Variants in EIF4G2 observed in about 807,000 individuals in gnomAD.
EIF4G2 encodes the protein eukaryotic translation initiation factor 4 gamma 2.
In EIF4G2, 8 loss-of-function variants were observed where a neutral mutation model predicts 117.7. The ratio of observed to expected loss-of-function variants is 0.07; its 90% CI spans 0.04 to 0.12. The LOEUF is 0.12. Among genes scored for constraint, EIF4G2 ranks in the 10% least tolerant of loss-of-function variants. The pLI is 1.00. For missense variants in EIF4G2, 812 were observed against 1,086.2 expected, an observed-to-expected ratio of 0.75 and a Z score of 3.55; for synonymous variants, 413 against 367.8, an observed-to-expected ratio of 1.12 and a Z score of -1.41.
intron 4 of EIF4G2, 132 bp downstream of exon 4, chr11:10,805,775 T>A: frequency 7.4e-7 from 1 of 1,352,578 alleles, no homozygotes; most frequent in African/African-American, 1.4e-5. Flanking sequence ...TTTTAAAAAT[T>A]GCTACCATGA....
Position 10,808,532 on chromosome 11 carries a change from G to C in EIF4G2, c.-87+173C>G, listed in dbSNP as rs546096858. 1.9e-3 allele frequency: 2,267 copies of C among 1,184,054 alleles called. 2 individuals are homozygous for C. Among genetic ancestry groups the C allele is most frequent in the Non-Finnish European group, 2.3e-3 (2,134 of 934,668 alleles). The allele number at this position is 1,184,054 out of a possible 1,614,324, so 73.3% of individuals were successfully genotyped here. On this transcript the variant is annotated intron_variant, in intron 1 of 21. Coordinates refer to ENST00000339995, the MANE Select transcript of EIF4G2 (RefSeq NM_001418.4). The stretch of plus-strand genomic sequence containing the variant: ...TTCTACTCCGTCAGCAACAGGAAGA[G>C]AGAACAAAAGCCAAGACTTTCCAGG...
intron 17 of EIF4G2, 28 bp downstream of exon 17, chr11:10,800,404 T>G: frequency 1.2e-6 from 2 of 1,613,600 alleles, no homozygotes; most frequent in Non-Finnish European, 8.5e-7. Flanking sequence ...GTAAGAGTTC[T>G]TACCACACAA....
rs1847353240 is a variant in EIF4G2, at chr11:10,799,331, T to C, written c.2418A>G (p.Lys806=). 6.2e-7 allele frequency: 1 copy of C among 1,613,784 alleles called. No individual in the cohort carries two copies. Among genetic ancestry groups the C allele is most frequent in the Non-Finnish European group, 8.5e-7 (1 of 1,180,010 alleles). Residue 806 remains lysine (K), a synonymous_variant, in exon 20 of 22, where the codon AAA becomes AAG. Transcript: ENST00000339995. Reference sequence around the variant, plus strand: ...CTGGCTTGAAAGATAGTAGTAGTTGTTTTTCCTGCTCTAACTGTTCTTTGG... The same window carrying C: ...CTGGCTTGAAAGATAGTAGTAGTTGCTTTTCCTGCTCTAACTGTTCTTTGG...
In EIF4G2 at chr11:10,797,860, A is replaced by G. The variant is rs1847301520; in HGVS notation, c.2680T>C (p.Leu894=). The G allele has an allele frequency of 6.2e-7, 1 of 1,613,976 alleles. No homozygotes were observed. Among genetic ancestry groups the G allele is most frequent in the Non-Finnish European group, 8.5e-7 (1 of 1,179,970 alleles). The change falls in exon 22 of 22, where the codon TTA becomes CTA. Residue 894 remains leucine (L), a synonymous_variant. Transcript: ENST00000339995. This position sits in a 1 kb window ranked among gnomAD's most constrained non-coding sequence, Gnocchi z 4.5. The stretch of plus-strand genomic sequence containing the variant: ...GATTCTTCTTCTTCAGCAGTTTCTA[A>G]CCAGGTTAGCCACTGATTCACCTAT...
chr11:10,804,114 T>C, intron 7 of EIF4G2, 23 bp downstream of exon 7: 1 of 1,613,964 alleles, frequency 6.2e-7, no homozygotes, highest in East Asian at 2.2e-5. Flanking sequence ...ACAGTAGTAC[T>C]TATTATCAGC....
Position 10,800,984 on chromosome 11 carries a change from G to A in EIF4G2, c.1517C>T (p.Thr506Ile), listed in dbSNP as rs1050514944. The A allele has an allele frequency of 3.7e-6, 6 of 1,614,186 alleles. No individual in the cohort carries two copies. The highest frequency in any genetic ancestry group is 2.2e-5 in the South Asian group (2 of 91,084). ...TACCTGTCCCAGAGGTGGTGTTTGA[G>A]TGCGTGGTGGTTGTGCACTAGGAGG... Residue 506 changes from threonine to isoleucine, a missense_variant, in exon 15 of 22, where the codon ACT (threonine) becomes ATT (isoleucine). Transcript: ENST00000339995.
chr11:10,801,821 A>G (rs766532000), intron 13 of EIF4G2, 47 bp from the exon 14 acceptor site: 2 of 1,553,618 alleles, frequency 1.3e-6, no homozygotes, highest in Non-Finnish European at 1.8e-6. Flanking sequence ...AGGGGTCCAC[A>G]AATTATGGTA....
Position 10,803,796 on chromosome 11 carries a change from T to C in EIF4G2, c.702+103A>G. 1 of 1,404,108 alleles carries C rather than the reference T, an allele frequency of 7.1e-7. No homozygotes were observed. Among genetic ancestry groups the C allele is most frequent in the Non-Finnish European group, 9.7e-7 (1 of 1,030,430 alleles). The allele number at this position is 1,404,108 out of a possible 1,614,324, so 87.0% of individuals were successfully genotyped here. On this transcript the variant is annotated intron_variant, in intron 8 of 21. Transcript: ENST00000339995. This position sits in a 1 kb window ranked among gnomAD's most constrained non-coding sequence, Gnocchi z 4.0. The stretch of plus-strand genomic sequence containing the variant: ...AATTATTCTGTTTAGTAAATTTTGT[T>C]GCACATCTGTATTTAACTAGTCAAC...
chr11:10,807,141 TAAG>T, intron 2 of EIF4G2, 111 bp downstream of exon 2: 3 of 1,466,318 alleles, frequency 2.0e-6, no homozygotes, highest in African/African-American at 1.4e-5. Flanking sequence ...AATGAAAACT[TAAG>T]AACTTTTCAA....
intron 1 of EIF4G2, chr11:10,807,890 G>A (rs952181388): frequency 6.0e-6 from 6 of 1,006,050 alleles, no homozygotes; most frequent in African/African-American, 5.2e-5. Flanking sequence ...ACTTGCAGGC[G>A]GAAGACCAGG....
At position 10,799,587 on chromosome 11, in the gene EIF4G2, A is replaced by G. The variant is rs200477677; in HGVS notation, c.2289T>C (p.His763=). 96 of 1,614,106 alleles carry G rather than the reference A, an allele frequency of 5.9e-5. No homozygotes were observed. Among genetic ancestry groups the G allele is most frequent in the Non-Finnish European group, 7.8e-5 (92 of 1,179,988 alleles). ...AGATGTTCACAAATCCTTTATCTAC[A>G]TGAAGTTTGGGAGAGATGTTATCTT... Residue 763 remains histidine, a synonymous_variant, in exon 19 of 22, where the codon CAT becomes CAC. Transcript: ENST00000339995.
chr11:10,800,871 G>C, intron 15 of EIF4G2, 36 bp from the exon 16 acceptor site: 5 of 1,610,918 alleles, frequency 3.1e-6, no homozygotes, highest in Non-Finnish European at 4.2e-6. Flanking sequence ...TTTTTAAAAA[G>C]AGGACTATGA....
intron 3 of EIF4G2, 120 bp from the exon 4 acceptor site, chr11:10,806,167 A>G: frequency 1.5e-6 from 2 of 1,370,300 alleles, no homozygotes; most frequent in South Asian, 2.6e-5. Context: ...AAGAAAGCCA[A>G]CTCTGGAAAT....
chr11:10,797,053 A>C (rs1372274551), downstream of EIF4G2: 2 of 152,640 alleles, frequency 1.3e-5, no homozygotes, highest in African/African-American at 2.4e-5. This position sits in a 1 kb window ranked among gnomAD's most constrained non-coding sequence, Gnocchi z 4.5. Flanking sequence ...ACATCACTAC[A>C]TCAAGTATCA....
At chr11:10,808,426 G>C (rs757572564) in intron 1 of EIF4G2, 2 of 1,260,170 alleles carry the variant, frequency 1.6e-6, no homozygotes, top group South Asian at 1.3e-5. Flanking sequence ...GCCGTGCCTC[G>C]GTCCGCCACG....
Position 10,803,658 on chromosome 11 carries a change from C to T in EIF4G2, c.703-68G>A. The T allele has an allele frequency of 2.1e-6, 3 of 1,405,890 alleles. No homozygotes were observed. Among genetic ancestry groups the T allele is most frequent in the Non-Finnish European group, 3.0e-6 (3 of 1,002,142 alleles). 87.1% of individuals were successfully genotyped at this position (1,405,890 alleles called of 1,614,324 possible). A position where few individuals can be genotyped will look rare whatever the true frequency, so the allele number is the denominator to read the frequency against. On this transcript the variant is annotated intron_variant, in intron 8 of 21. Transcript: ENST00000339995. The surrounding 1 kb of genome is among the most constrained non-coding windows in gnomAD (Gnocchi z 4.0). ...TGGTTTAGGCGTAGTACTTTCTTTC[C>T]CTTTATGTTTGCACTGACTCATTCA...
intron 13 of EIF4G2, 37 bp from the exon 14 acceptor site, chr11:10,801,811 A>G: frequency 6.3e-7 from 1 of 1,582,194 alleles, no homozygotes; most frequent in South Asian, 1.1e-5. Context: ...CTAGATAAAA[A>G]GGGGTCCACA....
chr11:10,801,516 G>C (rs1166861024), intron 14 of EIF4G2, 145 bp downstream of exon 14: 1 of 847,800 alleles, frequency 1.2e-6, no homozygotes, highest in African/African-American at 1.7e-5. Context: ...GACATTCAAA[G>C]AAAGAAAAAG....
rs747154552 is a variant in EIF4G2 at position 10,804,432 on chromosome 11, C to G, written c.352-14G>C. Reference sequence around the variant, plus strand: ...TTTGTCCACAATCTACAGAAAATGTCATTGCTTAAACTAAATATGAAAACT... The same window carrying G: ...TTTGTCCACAATCTACAGAAAATGTGATTGCTTAAACTAAATATGAAAACT... On this transcript the variant is annotated splice_polypyrimidine_tract_variant and intron_variant, in intron 5 of 21. Coordinates refer to ENST00000339995, the MANE Select transcript of EIF4G2 (RefSeq NM_001418.4). 6.4e-7 allele frequency: 1 copy of G among 1,564,806 alleles called. No individual in the cohort carries two copies. The highest frequency in any genetic ancestry group is 2.0e-5 in the Admixed American group (1 of 48,882).
Sources: gnomAD v4.1 joint callset for allele counts on GRCh38, gnomAD v4.1.1 for gene constraint, Gnocchi (gnomAD v3.1) non-coding constraint, MANE v1.5 for transcripts, NCBI Gene and HGNC (gene_info 2026-07-23, HGNC 2026-07-21) for gene names.